TULP4: variants seen among roughly 807,000 people sequenced by gnomAD.
TULP4 encodes tubby-related protein 4.
TULP4 carries 16 observed loss-of-function variants against 129.0 expected under a neutral mutation model. The observed-to-expected ratio is 0.12, with a 90% confidence interval of 0.08 to 0.19. The LOEUF is 0.19. Ranked by LOEUF, TULP4 falls within the 10% of genes least tolerant of loss-of-function variation. The pLI is 1.00. For synonymous variants in TULP4, 998 were observed against 854.0 expected, an observed-to-expected ratio of 1.17 and a Z score of -2.94; for missense variants, 1,842 against 2,059.1, an observed-to-expected ratio of 0.89 and a Z score of 2.04.
At chr6:158,352,490 G>A (rs564660328) in intron 1 of TULP4, among the ~76,000 whole-genome samples, 2 of 152,246 alleles carry the variant, frequency 1.3e-5, no homozygotes, top group South Asian at 2.1e-4. Context: ...TCCACCTCCC[G>A]GGTTCAAGTG....
intron 1 of TULP4, among the ~76,000 whole-genome samples, chr6:158,249,204 A>G (rs561615312): frequency 3.7e-4 from 56 of 152,110 alleles, no homozygotes; most frequent in Non-Finnish European, 6.0e-4. Context: ...AGCCTTTACC[A>G]TTTTTATTCT....
intron 2 of TULP4, among the ~76,000 whole-genome samples, chr6:158,429,054 C>G (rs1264276198): frequency 6.6e-6 from 1 of 152,192 alleles, no homozygotes; most frequent in African/African-American, 2.4e-5. Flanking sequence ...ACCATGATCG[C>G]TCACTAAGGC....
intron 6 of TULP4, among the ~76,000 whole-genome samples, chr6:158,477,240 A>G (rs977232845): frequency 1.3e-5 from 2 of 152,204 alleles, no homozygotes; most frequent in African/African-American, 4.8e-5. Context: ...TATATAAAAT[A>G]TATCATCAAC....
intron 11 of TULP4, among the ~76,000 whole-genome samples, chr6:158,495,672 C>T (rs545310661): frequency 1.3e-5 from 2 of 152,184 alleles, no homozygotes; most frequent in Admixed American, 6.5e-5. Flanking sequence ...GAGAACCTTT[C>T]TCTTCTAAAA....
Position 158,246,024 on chromosome 6 carries a change from GTGTGT to G in TULP4, n.68+13722_68+13726del, listed in dbSNP as rs1459958846. 3.3e-4 allele frequency among the ~76,000 whole-genome samples: 7 copies of G among 21,490 alleles called. No individual in the cohort carries two copies. In the South Asian group the frequency reaches 4.9e-3, roughly 15 times the overall value. 14.1% of individuals were successfully genotyped at this position (21,490 alleles called of 152,430 possible). A position where few individuals can be genotyped will look rare whatever the true frequency, so the allele number is the denominator to read the frequency against. ...TGAGTAATTTGCCTACCCCTTAGGG[GTGTGT>G]GTGTGTGTGTGTGTGTGTGTGTGTG... On this transcript the variant is annotated intron_variant and non_coding_transcript_variant, in intron 1 of 1. Coordinates refer to the TULP4 transcript ENST00000620026.
At chr6:158,293,845 G>T (rs71563801) in intron 1 of TULP4, among the ~76,000 whole-genome samples, 144 of 152,322 alleles carry the variant, frequency 9.5e-4, no homozygotes, top group Non-Finnish European at 1.8e-3. Flanking sequence ...CCTTTGCAGG[G>T]ATGTTAGTTT....
rs974985528 is a variant in TULP4 at position 158,501,748 on chromosome 6, C to T, written c.2085C>T (p.His695=). Residue 695 remains histidine, a synonymous_variant, in exon 13 of 14, where the codon CAC becomes CAT. Coordinates refer to ENST00000367097, the MANE Select transcript of TULP4 (RefSeq NM_020245.5). ...TGAACATCCCTATTGCACCGATCCA[C>T]AGCTCGGCTCAGGCTATGTCCCCCA... is the stretch of plus-strand genomic sequence containing the variant. ...CTVNIPIAPI[H]SSAQAMSPTQ... 1.9e-6 allele frequency: 3 copies of T among 1,614,190 alleles called. No individual in the cohort carries two copies. The highest frequency in any genetic ancestry group is 2.5e-6 in the Non-Finnish European group (3 of 1,180,030).
At chr6:158,280,093 C>T (rs566602420), upstream of TULP4, among the ~76,000 whole-genome samples, 1 of 152,264 alleles carries the variant, frequency 6.6e-6, no homozygotes, top group Admixed American at 6.5e-5. Context: ...TCGTGTATTC[C>T]ATCGCCATTT....
chr6:158,396,302 C>T (rs1777714116), intron 1 of TULP4, among the ~76,000 whole-genome samples: 1 of 152,168 alleles, frequency 6.6e-6, no homozygotes, highest in African/African-American at 2.4e-5. Flanking sequence ...TCTTTGTCAG[C>T]TTGTCACTTG....
Position 158,511,540 on chromosome 6 carries a change from A to G in TULP4, c.*4846A>G, listed in dbSNP as rs914121559. 2 of 152,552 alleles carry G rather than the reference A, an allele frequency of 1.3e-5. No homozygotes were observed. Among genetic ancestry groups the G allele is most frequent in the South Asian group, 2.1e-4 (1 of 4,826 alleles). 9.4% of individuals were successfully genotyped at this position (152,552 alleles called of 1,614,324 possible). A position where few individuals can be genotyped will look rare whatever the true frequency, so the allele number is the denominator to read the frequency against. On this transcript the variant is annotated 3_prime_UTR_variant, in exon 14 of 14. Coordinates refer to ENST00000367097, the MANE Select transcript of TULP4 (RefSeq NM_020245.5). ...CCAGTGTTGGTTTGTTTGTTTTTTA[A>G]TTCAGCATCCTGCTGGTTTTACTTT...
chr6:158,303,977 G>T (rs1357069299), intron 1 of TULP4, among the ~76,000 whole-genome samples: 1 of 152,132 alleles, frequency 6.6e-6, no homozygotes, highest in African/African-American at 2.4e-5. Flanking sequence ...TTTTATCTGT[G>T]TTGGTGGAAA....
intron 8 of TULP4, among the ~76,000 whole-genome samples, chr6:158,486,124 T>C (rs945582438): frequency 2.0e-5 from 3 of 152,164 alleles, no homozygotes; most frequent in Non-Finnish European, 4.4e-5. Context: ...AGGAGTCCTG[T>C]GGACTGAATT....
chr6:158,464,836 A>G (rs1379429853), intron 6 of TULP4, among the ~76,000 whole-genome samples: 1 of 152,188 alleles, frequency 6.6e-6, no homozygotes, highest in Non-Finnish European at 1.5e-5. Context: ...AGACCTAGAA[A>G]AGGAAGGAGA....
At chr6:158,286,458 C>T (rs556723228) in intron 1 of TULP4, among the ~76,000 whole-genome samples, 61 of 152,152 alleles carry the variant, frequency 4.0e-4, no homozygotes, top group Non-Finnish European at 7.1e-4. Flanking sequence ...CCTGTAACCA[C>T]GAGAGTAAAC....
At chr6:158,244,541 A>G (rs1302881801) in intron 1 of TULP4, among the ~76,000 whole-genome samples, 1 of 152,192 alleles carries the variant, frequency 6.6e-6, no homozygotes, top group Non-Finnish European at 1.5e-5. Context: ...TAGTGTCCTT[A>G]GAAGAAGAGA....
intron 1 of TULP4, among the ~76,000 whole-genome samples, chr6:158,395,038 C>T (rs918465869): frequency 3.3e-5 from 5 of 152,072 alleles, no homozygotes; most frequent in African/African-American, 9.7e-5. Flanking sequence ...AACTCACTGT[C>T]ATGGGAACAG....
At chr6:158,387,200 T>TA (rs1227330863) in intron 1 of TULP4, among the ~76,000 whole-genome samples, 1 of 152,094 alleles carries the variant, frequency 6.6e-6, no homozygotes, top group African/African-American at 2.4e-5. Context: ...AAGCTCTCAA[T>TA]ACAAGCTTCT....
intron 1 of TULP4, among the ~76,000 whole-genome samples, chr6:158,337,086 G>T (rs377538630): frequency 1.3e-4 from 18 of 137,372 alleles, no homozygotes; most frequent in African/African-American, 2.8e-4. Flanking sequence ...CTTTCTTTCT[G>T]TCTCTCTCTC....
chr6:158,307,464 T>C (rs4709185), intron 1 of TULP4, among the ~76,000 whole-genome samples: 131,923 of 152,260 alleles, frequency 0.87, 57,525 homozygotes, highest in Admixed American at 0.92. Flanking sequence ...TAAAATTCAT[T>C]TGTCTTCTTT....
Sources: gnomAD v4.1 joint callset for allele counts (sites outside exome capture counted in the v4.1 genomes callset) on GRCh38, gnomAD v4.1.1 for gene constraint, MANE v1.5 for transcripts, NCBI Gene and HGNC (gene_info 2026-07-23, HGNC 2026-07-21) for gene names.